LUZP2: variants seen among roughly 807,000 people sequenced by gnomAD.
The protein encoded by LUZP2 is leucine zipper protein 2.
In LUZP2, 52 loss-of-function variants were observed where a neutral mutation model predicts 51.6. That is an observed-to-expected ratio of 1.01 (90% CI 0.81 to 1.27). The LOEUF is 1.27. Among genes scored for constraint, LUZP2 ranks in the 50% most tolerant of loss-of-function variants. The pLI is 0.00. For synonymous variants in LUZP2, 154 were observed against 137.3 expected, an observed-to-expected ratio of 1.12 and a Z score of -0.85; for missense variants, 436 against 395.4, an observed-to-expected ratio of 1.10 and a Z score of -0.87.
At chr11:24,601,651 C>T (rs1274353006) in intron 1 of LUZP2, among the ~76,000 whole-genome samples, 1 of 151,328 alleles carries the variant, frequency 6.6e-6, no homozygotes, top group Non-Finnish European at 1.5e-5. Context: ...TATGGAAACA[C>T]TATTTTAAAT....
intron 1 of LUZP2, among the ~76,000 whole-genome samples, chr11:24,573,858 G>C (rs1193016349): frequency 1.0e-5 from 1 of 96,790 alleles, no homozygotes; most frequent in African/African-American, 3.1e-5. Context: ...CTGAATTCTT[G>C]TTTTATTTTT....
chr11:24,815,544 T>C (rs1850155068), intron 5 of LUZP2, among the ~76,000 whole-genome samples: 1 of 152,158 alleles, frequency 6.6e-6, no homozygotes, highest in South Asian at 2.1e-4. Context: ...ACTGGTGTCA[T>C]ATAAGTAAGA....
chr11:25,026,711 C>G (rs555060243), intron 9 of LUZP2, among the ~76,000 whole-genome samples: 1 of 152,076 alleles, frequency 6.6e-6, no homozygotes, highest in South Asian at 2.1e-4. Context: ...TGCTATGATA[C>G]AGTGTACACA....
intron 9 of LUZP2, among the ~76,000 whole-genome samples, chr11:25,012,950 G>C (rs1387106302): frequency 6.6e-6 from 1 of 152,100 alleles, no homozygotes; most frequent in Non-Finnish European, 1.5e-5. Flanking sequence ...CTTCACAATA[G>C]CAAATATATG....
chr11:24,750,850 A>G (rs543596909), intron 4 of LUZP2, among the ~76,000 whole-genome samples: 1 of 152,184 alleles, frequency 6.6e-6, no homozygotes, highest in Admixed American at 6.5e-5. Context: ...GATAAGTGAC[A>G]TATACTAATC....
intron 7 of LUZP2, among the ~76,000 whole-genome samples, chr11:24,951,041 T>C (rs999320710): frequency 1.3e-5 from 2 of 151,662 alleles, no homozygotes; most frequent in Admixed American, 1.3e-4. Context: ...AGAGAAGATA[T>C]AAGTTTCATG....
intron 1 of LUZP2, among the ~76,000 whole-genome samples, chr11:24,678,417 C>A (rs1335680364): frequency 6.6e-6 from 1 of 152,168 alleles, no homozygotes; most frequent in African/African-American, 2.4e-5. Context: ...CCTTGTATAG[C>A]ATTTCCTTAG....
chr11:24,626,706 A>G (rs911408569), intron 1 of LUZP2, among the ~76,000 whole-genome samples: 2 of 152,238 alleles, frequency 1.3e-5, no homozygotes, highest in African/African-American at 4.8e-5. Context: ...GTGGGCTAAC[A>G]TAACAATGAA....
At chr11:24,878,115 TTTG>T (rs201939469) in intron 5 of LUZP2, among the ~76,000 whole-genome samples, 7,305 of 146,990 alleles carry the variant, frequency 0.05, 503 homozygotes, top group African/African-American at 0.18. Flanking sequence ...TTTTTTTTTT[TTTG>T]GTGAACTTAC....
chr11:24,542,841 A>G (rs1178300046), intron 1 of LUZP2, among the ~76,000 whole-genome samples: 1 of 152,026 alleles, frequency 6.6e-6, no homozygotes, highest in Non-Finnish European at 1.5e-5. Context: ...TTCAGAAAAT[A>G]AATCTGTAGC....
chr11:24,547,830 A>G (rs1478180149), intron 1 of LUZP2, among the ~76,000 whole-genome samples: 1 of 152,068 alleles, frequency 6.6e-6, no homozygotes, highest in Admixed American at 6.6e-5. Context: ...ATAAAGGTCT[A>G]ATATTCAGAA....
At chr11:24,804,369 C>T (rs1849790224) in intron 5 of LUZP2, among the ~76,000 whole-genome samples, 1 of 152,042 alleles carries the variant, frequency 6.6e-6, no homozygotes, top group Admixed American at 6.6e-5. Context: ...CCTAACCCAT[C>T]CCAAAGTTCA....
intron 9 of LUZP2, among the ~76,000 whole-genome samples, chr11:24,998,294 A>C (rs969265896): frequency 7.9e-5 from 12 of 151,820 alleles, no homozygotes; most frequent in South Asian, 2.1e-4. Context: ...CTTTTATTTC[A>C]TTGAGCAGTG....
Position 25,050,006 on chromosome 11 carries a change from C to A in LUZP2, c.766-32C>A, listed in dbSNP as rs748339387. On this transcript the variant is annotated intron_variant, in intron 9 of 11. Transcript: ENST00000336930. ...CTATTTCTCTTGTATTTAGTGATTT[C>A]TTTCTTTCTATCTCTCTTCGTCTCT... 5.2e-6 allele frequency: 7 copies of A among 1,334,742 alleles called. No individual in the cohort carries two copies. In the African/African-American group the frequency reaches 8.9e-5, roughly 17 times the overall value. 82.7% of individuals were successfully genotyped at this position (1,334,742 alleles called of 1,614,324 possible).
At chr11:24,997,584 A>C (rs968263546) in intron 9 of LUZP2, among the ~76,000 whole-genome samples, 3 of 152,022 alleles carry the variant, frequency 2.0e-5, no homozygotes, top group Non-Finnish European at 4.4e-5. Flanking sequence ...GTTCACTCTG[A>C]TGGTAGTTTC....
chr11:24,574,267 T>G (rs371076698), intron 1 of LUZP2, among the ~76,000 whole-genome samples: 47 of 130,954 alleles, frequency 3.6e-4, no homozygotes, highest in African/African-American at 1.3e-3. Context: ...TTTCTTGCTT[T>G]CTTTCTTTCT....
At chr11:24,939,150 T>G (rs1322408024) in intron 7 of LUZP2, among the ~76,000 whole-genome samples, 1 of 152,176 alleles carries the variant, frequency 6.6e-6, no homozygotes, top group East Asian at 1.9e-4. Flanking sequence ...ATTATCTCGG[T>G]TCTCTTTTAG....
Position 24,517,804 on chromosome 11 carries a change from G to A in LUZP2, c.62+20499G>A, listed in dbSNP as rs546323291. On this transcript the variant is annotated intron_variant, in intron 1 of 11. Transcript: ENST00000336930. The stretch of plus-strand genomic sequence containing the variant: ...CTTCCCATGGTTATTTTTATATTGT[G>A]TCTGAAGAAAGAAAAATCCTTTTGT... 2.0e-5 allele frequency among the ~76,000 whole-genome samples: 3 copies of A among 152,110 alleles called. No homozygotes were observed. In the East Asian group the frequency reaches 5.8e-4, roughly 29 times the overall value.
chr11:24,547,209 A>C (rs1851580541), intron 1 of LUZP2, among the ~76,000 whole-genome samples: 1 of 151,860 alleles, frequency 6.6e-6, no homozygotes, highest in African/African-American at 2.4e-5. Flanking sequence ...ATTAGAAAAA[A>C]AAAAACTATC....
Sources: allele counts gnomAD v4.1 joint callset (sites outside exome capture counted in the v4.1 genomes callset), GRCh38; gene constraint gnomAD v4.1.1; transcripts MANE v1.5; gene names NCBI Gene and HGNC (gene_info 2026-07-23, HGNC 2026-07-21).